The following KNL1 variants were observed in gnomAD, a reference collection of about 807,000 sequenced individuals.
The protein encoded by KNL1 is outer kinetochore KNL1 complex subunit KNL1.
Under a neutral mutation model 201.3 loss-of-function variants are expected in KNL1, and 66 were observed. That is an observed-to-expected ratio of 0.33 (90% CI 0.27 to 0.40). The LOEUF is 0.40. Ranked by LOEUF, KNL1 falls within the 10% of genes least tolerant of loss-of-function variation. KNL1 has a pLI of 1.00. For missense variants in KNL1, 2,815 were observed against 2,690.5 expected, an observed-to-expected ratio of 1.05 and a Z score of -1.02; for synonymous variants, 895 against 899.2, an observed-to-expected ratio of 1.00 and a Z score of 0.08.
At chr15:40,661,960 G>A in intron 25 of KNL1, 114 bp from the exon 26 acceptor site, 1 of 584,402 alleles carries the variant, frequency 1.7e-6, no homozygotes, top group African/African-American at 1.9e-5. Flanking sequence ...AGAATGGCAT[G>A]AACCCGGGAG....
intron 6 of KNL1, chr15:40,611,014 C>T: frequency 3.2e-6 from 1 of 311,804 alleles, no homozygotes; most frequent in Non-Finnish European, 6.4e-6. Context: ...CCTCAAAATG[C>T]TAGGATTACA....
chr15:40,638,023 C>CA (rs1026910908), intron 13 of KNL1, among the ~76,000 whole-genome samples: 2 of 151,464 alleles, frequency 1.3e-5, no homozygotes, highest in African/African-American at 4.8e-5. Context: ...ACTAAAAATA[C>CA]AAAAAAAATC....
In KNL1 at chr15:40,663,093, T is replaced by C. The variant is rs1893955709; in HGVS notation, c.*905T>C. On this transcript the variant is annotated 3_prime_UTR_variant, in exon 26 of 26. Transcript: ENST00000399668. ...CTTTTTTTTTGAGACGGAGTCTTGCTCTGTCGCCCAGGCTGGAGTGCAGTG... is the reference window on the plus strand; with the variant it reads ...CTTTTTTTTTGAGACGGAGTCTTGCCCTGTCGCCCAGGCTGGAGTGCAGTG... 6.2e-6 allele frequency: 1 copy of C among 161,472 alleles called. No homozygotes were observed. Among genetic ancestry groups the C allele is most frequent in the Admixed American group, 6.5e-5 (1 of 15,418 alleles). 10.0% of individuals were successfully genotyped at this position (161,472 alleles called of 1,614,324 possible). A position where few individuals can be genotyped will look rare whatever the true frequency, so the allele number is the denominator to read the frequency against.
At chr15:40,658,149 C>A (rs1324758250) in intron 24 of KNL1, among the ~76,000 whole-genome samples, 1 of 151,780 alleles carries the variant, frequency 6.6e-6, no homozygotes, top group Non-Finnish European at 1.5e-5. Flanking sequence ...GCCTGTAGTC[C>A]CAGCTACTCA....
intron 13 of KNL1, among the ~76,000 whole-genome samples, chr15:40,637,201 A>G (rs1456392285): frequency 1.3e-5 from 2 of 149,014 alleles, no homozygotes; most frequent in Non-Finnish European, 3.0e-5. Context: ...TATTTAAAAA[A>G]TTTTTTTAAT....
Position 40,625,178 on chromosome 15 carries a change from G to T in KNL1, c.4914G>T (p.Lys1638Asn). 2 of 1,613,990 alleles carry T rather than the reference G, an allele frequency of 1.2e-6. No homozygotes were observed. The highest frequency in any genetic ancestry group is 1.7e-6 in the Non-Finnish European group (2 of 1,179,944). Reference sequence around the variant, plus strand: ...CTGAAACCACCTCTCTACCGCCAAAGACAGTTTTTAAAGATAAAGTAAGGA... The same window carrying T: ...CTGAAACCACCTCTCTACCGCCAAATACAGTTTTTAAAGATAAAGTAAGGA... The part of the protein sequence containing the change: ...NGAETTSLPP[K>N]TVFKDKVRRC... The change falls in exon 10 of 26, where the codon AAG (lysine) becomes AAT (asparagine). Residue 1638 changes from lysine (K) to asparagine (N), a missense_variant. By Grantham distance (94) the Lys-to-Asn change is moderately conservative. Transcript: ENST00000399668.
chr15:40,602,204 T>C (rs1381792846), intron 1 of KNL1, among the ~76,000 whole-genome samples: 2 of 151,520 alleles, frequency 1.3e-5, no homozygotes, highest in Admixed American at 1.3e-4. Context: ...TTTTTTTTTT[T>C]TTCTATTTTT....
In KNL1 at chr15:40,624,866, A is replaced by G. The variant is rs1485991043; in HGVS notation, c.4602A>G (p.Gln1534=). 1.2e-6 allele frequency: 2 copies of G among 1,612,722 alleles called. No individual in the cohort carries two copies. The highest frequency in any genetic ancestry group is 1.7e-6 in the Non-Finnish European group (2 of 1,179,744). Residue 1534 remains glutamine, a synonymous_variant, in exon 10 of 26, where the codon CAA becomes CAG. Coordinates refer to ENST00000399668, the MANE Select transcript of KNL1 (RefSeq NM_144508.5). ...SNSDVTKQVI[Q]THVNAGEAPD... is the part of the protein sequence containing the mutation. Reference sequence around the variant, plus strand: ...CAGACGTAACTAAGCAAGTCATTCAAACTCATGTCAATGCTGGAGAAGCAC... The same window carrying G: ...CAGACGTAACTAAGCAAGTCATTCAGACTCATGTCAATGCTGGAGAAGCAC...
At chr15:40,655,560 C>G (rs1183054530) in intron 22 of KNL1, among the ~76,000 whole-genome samples, 1 of 120,336 alleles carries the variant, frequency 8.3e-6, no homozygotes, top group African/African-American at 3.3e-5. Context: ...CACTGCACTT[C>G]AAGCTGGGTG....
intron 19 of KNL1, 100 bp downstream of exon 19, chr15:40,650,683 C>A: frequency 1.8e-6 from 2 of 1,092,964 alleles, no homozygotes; most frequent in Non-Finnish European, 2.5e-6. Context: ...GGACATGAGT[C>A]TTGATTGAGG....
intron 4 of KNL1, among the ~76,000 whole-genome samples, chr15:40,606,925 A>G (rs1461514683): frequency 6.6e-6 from 1 of 152,066 alleles, no homozygotes; most frequent in Admixed American, 6.6e-5. Flanking sequence ...ATGCCCGGCT[A>G]ATTTTTTATT....
At chr15:40,597,783 T>G (rs1891662779) in intron 1 of KNL1, among the ~76,000 whole-genome samples, 1 of 152,234 alleles carries the variant, frequency 6.6e-6, no homozygotes, top group Non-Finnish European at 1.5e-5. Context: ...GGACAGGAAT[T>G]ATGCTTAATG....
At chr15:40,637,380 T>TA (rs1555422000) in intron 13 of KNL1, among the ~76,000 whole-genome samples, 2 of 151,388 alleles carry the variant, frequency 1.3e-5, no homozygotes, top group Non-Finnish European at 2.9e-5. Context: ...TTTTTTTTTT[T>TA]AAGTTTACTT....
At chr15:40,650,523 T>A (rs1462621187) in intron 18 of KNL1, 21 bp from the exon 19 acceptor site, 2 of 1,552,122 alleles carry the variant, frequency 1.3e-6, no homozygotes, top group Non-Finnish European at 1.7e-6. Flanking sequence ...TTCTGTTTTT[T>A]TTTTTTTTCT....
intron 9 of KNL1, among the ~76,000 whole-genome samples, chr15:40,620,216 A>T (rs1479778387): frequency 2.7e-5 from 4 of 148,502 alleles, no homozygotes; most frequent in African/African-American, 9.9e-5. Flanking sequence ...GCCTAGAATA[A>T]TTTTTTTTTT....
intron 11 of KNL1, 112 bp from the exon 12 acceptor site, chr15:40,628,498 CA>C (rs1892814040): frequency 1.3e-6 from 1 of 776,596 alleles, no homozygotes; most frequent in African/African-American, 1.7e-5. Context: ...ACTGTCTTCC[CA>C]GAAAGATCCC....
chr15:40,645,068 G>T lies in KNL1; in HGVS notation c.5870G>T (p.Arg1957Ile). Residue 1957 changes from arginine (R) to isoleucine (I), a missense_variant, in exon 15 of 26, where the codon AGA becomes ATA. Around this residue, in one of 3 missense-constraint regions of KNL1, gnomAD observed 2,464 missense variants for 2,291.7 expected, o/e 1.08. Coordinates refer to ENST00000399668, the MANE Select transcript of KNL1 (RefSeq NM_144508.5). ...AATAAGAACCTGTGGGAAAAAATGA[G>T]ACACTGCTCTGACAAAGAGGTACTT... The part of the protein sequence containing the change: ...DINKNLWEKM[R>I]HCSDKELKAF... 1 of 1,610,156 alleles carries T rather than the reference G, an allele frequency of 6.2e-7. No individual in the cohort carries two copies. The highest frequency in any genetic ancestry group is 1.1e-5 in the South Asian group (1 of 90,906).
intron 14 of KNL1, among the ~76,000 whole-genome samples, chr15:40,644,260 A>G (rs1441043542): frequency 6.6e-6 from 1 of 152,244 alleles, no homozygotes; most frequent in Admixed American, 6.5e-5. Context: ...TGGTGACTGG[A>G]TGTACACCTA....
rs569303273 is a variant in KNL1, at chr15:40,613,788, A to ATTATT, written c.285-1530_285-1526dup. 7.1e-3 allele frequency among the ~76,000 whole-genome samples: 1,074 copies of ATTATT among 150,532 alleles called. 4 individuals are homozygous for ATTATT. The highest frequency in any genetic ancestry group is 8.9e-3 in the Non-Finnish European group (603 of 67,586). On this transcript the variant is annotated intron_variant, in intron 7 of 25. Coordinates refer to ENST00000399668, the MANE Select transcript of KNL1 (RefSeq NM_144508.5). Reference sequence around the variant, plus strand: ...CACCTGGCTAATTTATTTTATTTTTATTATTTTATTTTATTTTATTTTATT... The same window carrying ATTATT: ...CACCTGGCTAATTTATTTTATTTTTATTATTTTATTTTATTTTATTTTATTTTATT...
Sources: gnomAD v4.1 joint callset for allele counts (sites outside exome capture counted in the v4.1 genomes callset) on GRCh38, gnomAD v4.1.1 for gene constraint, gnomAD v4.1.1 regional missense constraint, MANE v1.5 for transcripts, NCBI Gene and HGNC (gene_info 2026-07-23, HGNC 2026-07-21) for gene names.